The following STIM2 variants were observed in gnomAD, a reference collection of about 807,000 sequenced individuals.
The protein encoded by STIM2 is stromal interaction molecule 2.
Under a neutral mutation model 85.8 loss-of-function variants are expected in STIM2, and 31 were observed. The observed-to-expected ratio is 0.36, with a 90% confidence interval of 0.27 to 0.49. The LOEUF (loss-of-function observed/expected upper bound fraction) is 0.49. STIM2 is among the 20% of genes least tolerant of loss of function. The pLI is 0.98. For synonymous variants in STIM2, 356 were observed against 331.1 expected (o/e 1.08, Z -0.82); for missense variants, 841 against 927.6 (o/e 0.91, Z 1.21).
intron 3 of STIM2, among the ~76,000 whole-genome samples, chr4:26,991,928 G>T (rs1727782107): frequency 6.6e-6 from 1 of 152,078 alleles, no homozygotes; most frequent in African/African-American, 2.4e-5. Flanking sequence ...TGGCATTTCT[G>T]TAGCTCTGCA....
chr4:26,944,329 C>T (rs1228029458), intron 2 of STIM2, among the ~76,000 whole-genome samples: 1 of 151,982 alleles, frequency 6.6e-6, no homozygotes, highest in Non-Finnish European at 1.5e-5. Context: ...TTTTTATTCC[C>T]TATTTCCTTA....
intron 4 of STIM2, among the ~76,000 whole-genome samples, chr4:26,997,648 T>C (rs965152201): frequency 6.6e-6 from 1 of 152,272 alleles, no homozygotes; most frequent in African/African-American, 2.4e-5. Context: ...CATCCATACC[T>C]ACATACATTC....
chr4:27,022,531 C>T lies in STIM2; in HGVS notation c.1776C>T (p.Asp592=), dbSNP rs1481515928. Residue 592 remains aspartate, a synonymous_variant, in exon 12 of 12, where the codon GAC becomes GAT. Transcript: ENST00000467087. ...GTGTTTCATTCAGGGAAGTGCCAGA[C>T]ACAGCTTCAGAATGTGACTCCTTAA... 1 of 1,591,850 alleles carries T rather than the reference C, an allele frequency of 6.3e-7. No individual in the cohort carries two copies. The highest frequency in any genetic ancestry group is 8.6e-7 in the Non-Finnish European group (1 of 1,164,014).
chr4:26,917,977 A>G (rs370962413), intron 1 of STIM2, among the ~76,000 whole-genome samples: 17 of 152,118 alleles, frequency 1.1e-4, no homozygotes, highest in African/African-American at 3.9e-4. Context: ...ATTGACCATT[A>G]TGCCTCCGAG....
At chr4:27,020,105 A>G (rs1204303477) in intron 11 of STIM2, among the ~76,000 whole-genome samples, 1 of 152,256 alleles carries the variant, frequency 6.6e-6, no homozygotes, top group Non-Finnish European at 1.5e-5. Flanking sequence ...TGGTAGGACC[A>G]TCTTAGGAAC....
At chr4:26,991,087 G>A (rs1399187690) in intron 3 of STIM2, among the ~76,000 whole-genome samples, 1 of 152,020 alleles carries the variant, frequency 6.6e-6, no homozygotes, top group Admixed American at 6.6e-5. Flanking sequence ...CTGAATATAT[G>A]TCTAAAAGAA....
chr4:27,011,497 C>T (rs544395737), intron 10 of STIM2, among the ~76,000 whole-genome samples: 12 of 152,266 alleles, frequency 7.9e-5, no homozygotes, highest in South Asian at 4.1e-4. Context: ...CACCTAGAAA[C>T]GGACTGCTGG....
rs780951314 is a variant in STIM2 at position 26,944,805 on chromosome 4, A to G, written c.283-12807A>G. Among the ~76,000 whole-genome samples, 14 of 152,194 alleles carry G rather than the reference A, an allele frequency of 9.2e-5. No homozygotes were observed. The East Asian group carries it at 1.2e-3, about 13-fold the overall frequency. On this transcript the variant is annotated intron_variant, in intron 2 of 11. Transcript: ENST00000467087. ...TTCCCCAACACTATCTGTTAACTCT[A>G]TGCGTATGTATTCTTATGTACATGG...
chr4:27,018,051 C>G, intron 11 of STIM2, 67 bp downstream of exon 11: 17 of 1,462,356 alleles, frequency 1.2e-5, no homozygotes, highest in Non-Finnish European at 1.6e-5. Flanking sequence ...GAGGAGGGGG[C>G]GGGAGGAGTG....
At chr4:26,918,937 G>C (rs1724694847) in intron 1 of STIM2, among the ~76,000 whole-genome samples, 1 of 152,032 alleles carries the variant, frequency 6.6e-6, no homozygotes, top group Non-Finnish European at 1.5e-5. Context: ...TTGAACCTAA[G>C]AACTTACGTA....
At chr4:26,944,142 A>C (rs922773779) in intron 2 of STIM2, among the ~76,000 whole-genome samples, 6 of 152,128 alleles carry the variant, frequency 3.9e-5, no homozygotes, top group Non-Finnish European at 8.8e-5. Context: ...GTTTTATACA[A>C]ATATATACAT....
In STIM2 at chr4:26,861,388, G is replaced by C; in HGVS notation, c.151+19G>C. On this transcript the variant is annotated intron_variant, in intron 1 of 11. Transcript: ENST00000467087. Reference sequence around the variant, plus strand: ...ATGACAGGTGAGGGGCCGGGGGGCGGCGGGCGGGGCTCGGCCGGCAGCGAT... The same window carrying C: ...ATGACAGGTGAGGGGCCGGGGGGCGCCGGGCGGGGCTCGGCCGGCAGCGAT... The C allele has an allele frequency of 7.8e-7, 1 of 1,285,992 alleles. No individual in the cohort carries two copies. The highest frequency in any genetic ancestry group is 9.8e-7 in the Non-Finnish European group (1 of 1,020,742). The allele number at this position is 1,285,992 out of a possible 1,614,324, so 79.7% of individuals were successfully genotyped here.
At chr4:26,983,804 C>G (rs1001206278) in intron 3 of STIM2, among the ~76,000 whole-genome samples, 3 of 152,180 alleles carry the variant, frequency 2.0e-5, no homozygotes, top group Non-Finnish European at 1.5e-5. Flanking sequence ...TTCTGGTAGT[C>G]TTGGTAATAA....
intron 1 of STIM2, among the ~76,000 whole-genome samples, chr4:26,894,984 G>T (rs570075660): frequency 7.2e-5 from 11 of 152,330 alleles, no homozygotes; most frequent in African/African-American, 2.6e-4. Context: ...GGCCAAGGTG[G>T]GTGGATCACC....
chr4:26,871,385 T>A (rs112163863), intron 1 of STIM2, among the ~76,000 whole-genome samples: 42 of 152,210 alleles, frequency 2.8e-4, no homozygotes, highest in African/African-American at 9.4e-4. Context: ...GTGATTAATG[T>A]TACATTGTAG....
rs78794432 is a variant in STIM2 at position 26,913,911 on chromosome 4, G to A, written c.152-5593G>A. Among the ~76,000 whole-genome samples, 754 of 152,184 alleles carry A rather than the reference G, an allele frequency of 5.0e-3. 8 individuals are homozygous for A. The highest frequency in any genetic ancestry group is 0.018 in the African/African-American group (731 of 41,528). Reference sequence around the variant, plus strand: ...AAGCAAACGAATCAACTCATATACTGCCCTGTGATAAAGTGCTGTGAAGAA... The same window carrying A: ...AAGCAAACGAATCAACTCATATACTACCCTGTGATAAAGTGCTGTGAAGAA... On this transcript the variant is annotated intron_variant, in intron 1 of 11. Transcript: ENST00000467087.
chr4:26,933,131 C>T (rs530422581), intron 2 of STIM2, among the ~76,000 whole-genome samples: 1 of 149,560 alleles, frequency 6.7e-6, no homozygotes, highest in South Asian at 2.1e-4. Context: ...GCGCTTAATG[C>T]AGAGGGCACG....
intron 10 of STIM2, among the ~76,000 whole-genome samples, chr4:27,009,842 G>C (rs1728500177): frequency 6.6e-6 from 1 of 152,214 alleles, no homozygotes. Context: ...ATGCAACACT[G>C]ATTCATAAGT....
At chr4:26,899,626 G>A (rs1723843101) in intron 1 of STIM2, among the ~76,000 whole-genome samples, 1 of 152,090 alleles carries the variant, frequency 6.6e-6, no homozygotes. Flanking sequence ...TGATGACAGA[G>A]CTGATAATTA....
Sources: gnomAD v4.1 joint callset for allele counts (sites outside exome capture counted in the v4.1 genomes callset) on GRCh38, gnomAD v4.1.1 for gene constraint, MANE v1.5 for transcripts, NCBI Gene and HGNC (gene_info 2026-07-23, HGNC 2026-07-21) for gene names.